IL18BP: variants seen among roughly 807,000 people sequenced by gnomAD.
IL18BP encodes the protein interleukin-18-binding protein.
A neutral mutation model predicts 19.9 loss-of-function variants in IL18BP; 23 were observed. That is an observed-to-expected ratio of 1.15 (90% CI 0.83 to 1.64). The LOEUF is 1.64. IL18BP is among the 40% of genes most tolerant of loss of function. The probability of loss-of-function intolerance (pLI) is 0.00; values close to 1 mark genes in which losing one functional copy is unlikely to be tolerated. For synonymous variants in IL18BP, 107 were observed against 101.0 expected, an observed-to-expected ratio of 1.06 and a Z score of -0.35; for missense variants, 239 against 240.7, an observed-to-expected ratio of 0.99 and a Z score of 0.05.
downstream of IL18BP, chr11:72,003,525 C>A (rs1955405845): frequency 6.2e-7 from 1 of 1,614,124 alleles, no homozygotes. Context: ...GGTACTGGCC[C>A]TTTAGTGCTT....
chr11:72,006,282 C>A, downstream of IL18BP: 1 of 1,609,218 alleles, frequency 6.2e-7, no homozygotes, highest in Non-Finnish European at 8.5e-7. Flanking sequence ...CAGAGTGAAT[C>A]TGTTGCAGTG....
In IL18BP at chr11:72,001,262, C is replaced by T. The variant is rs747140268; in HGVS notation, c.297C>T (p.Tyr99=). The T allele has an allele frequency of 6.2e-7, 1 of 1,614,268 alleles. No homozygotes were observed. The highest frequency in any genetic ancestry group is 8.5e-7 in the Non-Finnish European group (1 of 1,180,050). The change falls in exon 4 of 6, where the codon TAC becomes TAT. Residue 99 remains tyrosine (Y), a synonymous_variant. Coordinates refer to ENST00000393703, the MANE Select transcript of IL18BP (RefSeq NM_001039660.2). The part of the protein sequence containing the change: ...CSRFPNFSIL[Y]WLGNGSFIEH... ...GCTTCCCCAACTTCAGCATCCTCTA[C>T]TGGCTGGGCAATGGTTCCTTCATTG...
chr11:72,000,648 T>C (rs1362653977), intron 3 of IL18BP, 91 bp downstream of exon 3: 23 of 1,073,100 alleles, frequency 2.1e-5, no homozygotes, highest in Non-Finnish European at 2.8e-5. Context: ...TCTGCCCATG[T>C]ACCACCAGCT....
Position 72,001,934 on chromosome 11 carries a change from A to G in IL18BP, c.*73A>G. The G allele has an allele frequency of 1.2e-6, 2 of 1,600,556 alleles. No individual in the cohort carries two copies. Among genetic ancestry groups the G allele is most frequent in the East Asian group, 2.3e-5 (1 of 44,030 alleles). On this transcript the variant is annotated 3_prime_UTR_variant, in exon 6 of 6. Coordinates refer to ENST00000393703, the MANE Select transcript of IL18BP (RefSeq NM_001039660.2). Reference sequence around the variant, plus strand: ...TCCTACCTGTCTACCTGGAGTGAACAGTCCCTGACTGCCTGTAGGCTGCGT... The same window carrying G: ...TCCTACCTGTCTACCTGGAGTGAACGGTCCCTGACTGCCTGTAGGCTGCGT...
downstream of IL18BP, chr11:72,005,936 C>T: frequency 9.7e-7 from 1 of 1,035,266 alleles, no homozygotes; most frequent in Admixed American, 2.2e-5. Context: ...AGCAAGGAGG[C>T]CAGCCTTGGA....
At chr11:72,003,620 T>G (rs1955420114), downstream of IL18BP, 4 of 1,555,776 alleles carry the variant, frequency 2.6e-6, no homozygotes, top group Non-Finnish European at 3.5e-6. Flanking sequence ...CTCTTCCTGC[T>G]CCCACGCCCC....
downstream of IL18BP, chr11:72,007,594 CT>C (rs1367179389): frequency 1.1e-6 from 1 of 876,824 alleles, no homozygotes; most frequent in African/African-American, 1.7e-5. Flanking sequence ...AGCACTTGAC[CT>C]GGGCCTTCCT....
chr11:72,000,310 C>CT (rs1565171264), intron 2 of IL18BP, 41 bp from the exon 3 acceptor site: 2 of 1,561,800 alleles, frequency 1.3e-6, no homozygotes, highest in African/African-American at 2.9e-5. Context: ...GCAGCCCACT[C>CT]TGTCTCCAGA....
At chr11:72,007,473 G>A (rs768552405), downstream of IL18BP, 48 of 1,607,332 alleles carry the variant, frequency 3.0e-5, 1 homozygote, top group South Asian at 9.9e-5. Flanking sequence ...AGTCCTTCAC[G>A]CTAGAAGGCA....
chr11:72,001,409 G>A lies in IL18BP; in HGVS notation c.364G>A (p.Glu122Lys). Reference protein sequence around the residue: ...GRLWEGSTSRERGSTGTQLCK... With the variant: ...GRLWEGSTSRKRGSTGTQLCK... ...TTTCCTTCCCTTCCGCTCCAGCCGG[G>A]AACGTGGGAGCACAGGTACGCAGCT... is the stretch of plus-strand genomic sequence containing the variant. Residue 122 changes from glutamate (E) to lysine (K), a missense_variant, in exon 5 of 6, where the codon GAA becomes AAA. Coordinates refer to ENST00000393703, the MANE Select transcript of IL18BP (RefSeq NM_001039660.2). 6.2e-7 allele frequency: 1 copy of A among 1,614,116 alleles called. No homozygotes were observed. Among genetic ancestry groups the A allele is most frequent in the Non-Finnish European group, 8.5e-7 (1 of 1,179,932 alleles).
downstream of IL18BP, among the ~76,000 whole-genome samples, chr11:72,004,988 C>G (rs1955589753): frequency 6.6e-6 from 1 of 152,152 alleles, no homozygotes. Context: ...TACCTAAGCC[C>G]TGGGCAAATG....
At chr11:72,004,354 G>A, downstream of IL18BP, 2 of 1,605,948 alleles carry the variant, frequency 1.2e-6, no homozygotes, top group East Asian at 2.2e-5. Context: ...ATGGAGAAGA[G>A]GACAGTTAGG....
downstream of IL18BP, chr11:72,003,973 T>C (rs776309091): frequency 1.4e-5 from 22 of 1,608,644 alleles, no homozygotes; most frequent in Non-Finnish European, 1.9e-5. Context: ...GAACGGCGGG[T>C]TCCACTGCGA....
chr11:72,004,060 T>A, downstream of IL18BP: 1 of 1,613,330 alleles, frequency 6.2e-7, no homozygotes, highest in Non-Finnish European at 8.5e-7. Flanking sequence ...TTCTTGGGTG[T>A]GTTGAGGATG....
downstream of IL18BP, chr11:72,004,009 C>T (rs2134331883): frequency 5.0e-6 from 8 of 1,613,408 alleles, no homozygotes; most frequent in Non-Finnish European, 5.9e-6. Flanking sequence ...TTGGACAGGG[C>T]CTTCTTTGAG....
chr11:72,004,650 C>T (rs780069834), downstream of IL18BP: 3 of 1,612,612 alleles, frequency 1.9e-6, no homozygotes, highest in South Asian at 2.2e-5. Flanking sequence ...CTCAGGAGTT[C>T]CAGGGCCCTG....
At chr11:72,000,156 T>C (rs1016627112) in intron 2 of IL18BP, 144 bp downstream of exon 2, 28 of 961,930 alleles carry the variant, frequency 2.9e-5, no homozygotes, top group Non-Finnish European at 4.2e-5. Flanking sequence ...TGGGCAGATA[T>C]TGTAGCTCTG....
At position 72,001,912 on chromosome 11, in the gene IL18BP, T is replaced by TA. The variant is rs1482566965; in HGVS notation, c.*52dup. ...ACAACCTTGACCAGAGCTTGGGTCC[T>TA]ACCTGTCTACCTGGAGTGAACAGTC... On this transcript the variant is annotated 3_prime_UTR_variant, in exon 6 of 6. Transcript: ENST00000393703. 7 of 1,610,376 alleles carry TA rather than the reference T, an allele frequency of 4.3e-6. No homozygotes were observed. The highest frequency in any genetic ancestry group is 5.9e-6 in the Non-Finnish European group (7 of 1,178,218).
In IL18BP at chr11:72,001,916, T is replaced by C; in HGVS notation, c.*55T>C. ...CCTTGACCAGAGCTTGGGTCCTACC[T>C]GTCTACCTGGAGTGAACAGTCCCTG... On this transcript the variant is annotated 3_prime_UTR_variant, in exon 6 of 6. Coordinates refer to ENST00000393703, the MANE Select transcript of IL18BP (RefSeq NM_001039660.2). 1 of 1,610,648 alleles carries C rather than the reference T, an allele frequency of 6.2e-7. No individual in the cohort carries two copies. The highest frequency in any genetic ancestry group is 8.5e-7 in the Non-Finnish European group (1 of 1,178,304).
Sources: gnomAD v4.1 joint callset for allele counts (sites outside exome capture counted in the v4.1 genomes callset) on GRCh38, gnomAD v4.1.1 for gene constraint, MANE v1.5 for transcripts, NCBI Gene and HGNC (gene_info 2026-07-23, HGNC 2026-07-21) for gene names.